Variants in POLN observed in about 807,000 individuals in gnomAD.
The protein encoded by POLN is DNA polymerase N.
A neutral mutation model predicts 113.5 loss-of-function variants in POLN; 108 were observed. That is an observed-to-expected ratio of 0.95 (90% CI 0.81 to 1.12). POLN has a LOEUF of 1.12. Ranked by LOEUF, POLN falls within the 50% of genes most tolerant of loss-of-function variation. POLN has a pLI of 0.00. For synonymous variants in POLN, 386 were observed against 391.5 expected (o/e 0.99, Z 0.17); for missense variants, 1,097 against 1,077.1 (o/e 1.02, Z -0.26).
chr4:2,088,767 C>G, intron 20 of POLN: 11 of 1,300,796 alleles, frequency 8.5e-6, no homozygotes, highest in Non-Finnish European at 7.4e-6. Context: ...TCAGGTGATG[C>G]TGATTTGAAG....
chr4:2,208,732 G>A (rs1220627841), intron 4 of POLN, among the ~76,000 whole-genome samples: 1 of 152,200 alleles, frequency 6.6e-6, no homozygotes, highest in Middle Eastern at 3.2e-3. Flanking sequence ...GCTCACGCCT[G>A]TAATCCCAGC....
At chr4:2,074,375 G>C (rs1730227400) in intron 24 of POLN, among the ~76,000 whole-genome samples, 2 of 152,224 alleles carry the variant, frequency 1.3e-5, no homozygotes, top group Non-Finnish European at 2.9e-5. Flanking sequence ...TCCTGAGAGA[G>C]CAGAGCACAG....
chr4:2,176,965 C>T (rs35044274), intron 8 of POLN, among the ~76,000 whole-genome samples: 37,399 of 151,968 alleles, frequency 0.25, 7,088 homozygotes, highest in African/African-American at 0.51. Context: ...CCACTCAGAC[C>T]CAATTTTCTG....
chr4:2,177,522 CAT>C (rs1383673906), intron 8 of POLN, among the ~76,000 whole-genome samples: 1 of 152,228 alleles, frequency 6.6e-6, no homozygotes, highest in East Asian at 1.9e-4. Context: ...ACTACAGAGA[CAT>C]ATCTGGCTGA....
chr4:2,240,176 CT>C, intron 2 of POLN: 7 of 1,614,070 alleles, frequency 4.3e-6, no homozygotes, highest in Non-Finnish European at 5.9e-6. Context: ...CTAGTCGTCT[CT>C]CCTCAAGGAT....
At chr4:2,210,613 AATAATAATAATAATAAT>A (rs1348400556) in intron 4 of POLN, among the ~76,000 whole-genome samples, 42 of 136,088 alleles carry the variant, frequency 3.1e-4, no homozygotes, top group Non-Finnish European at 5.6e-4. Context: ...TAATAATAAT[AATAATAATAATAATAAT>A]AAAAAAAAGA....
chr4:2,236,651 G>C (rs577336837), intron 2 of POLN, among the ~76,000 whole-genome samples: 3 of 152,026 alleles, frequency 2.0e-5, no homozygotes, highest in Non-Finnish European at 4.4e-5. Context: ...CTGAGCTCAG[G>C]AGTTCGAGAC....
At chr4:2,241,403 T>C (rs567731701) in intron 2 of POLN, 117 bp downstream of exon 2, 1 of 653,922 alleles carries the variant, frequency 1.5e-6, no homozygotes, top group East Asian at 1.4e-4. Context: ...TCAAAATAAA[T>C]GGATCCAAAC....
intron 5 of POLN, among the ~76,000 whole-genome samples, chr4:2,201,082 A>G (rs1733697963): frequency 6.6e-6 from 1 of 151,976 alleles, no homozygotes; most frequent in Non-Finnish European, 1.5e-5. Context: ...CCTGGCTAAC[A>G]TGGTGAAACT....
intron 6 of POLN, among the ~76,000 whole-genome samples, chr4:2,197,318 C>T (rs1733604835): frequency 6.6e-6 from 1 of 152,038 alleles, no homozygotes; most frequent in African/African-American, 2.4e-5. Context: ...AACAGCAACG[C>T]AGTGGATAAG....
chr4:2,198,759 T>A, intron 5 of POLN, 42 bp from the exon 6 acceptor site: 1 of 1,515,826 alleles, frequency 6.6e-7, no homozygotes, highest in African/African-American at 1.4e-5. Context: ...AGACAACATA[T>A]CTGTTGTAGA....
intron 16 of POLN, among the ~76,000 whole-genome samples, chr4:2,133,048 G>A (rs1731764157): frequency 6.6e-6 from 1 of 151,462 alleles, no homozygotes; most frequent in Admixed American, 6.6e-5. Flanking sequence ...GATCCCACCT[G>A]TAATCCCAGC....
At chr4:2,167,976 C>T (rs1411109201) in intron 13 of POLN, among the ~76,000 whole-genome samples, 1 of 152,118 alleles carries the variant, frequency 6.6e-6, no homozygotes, top group Non-Finnish European at 1.5e-5. Context: ...TGTTAAGACA[C>T]ACTTCCAGAC....
intron 25 of POLN, 101 bp downstream of exon 25, chr4:2,072,867 G>A: frequency 1.6e-6 from 2 of 1,289,656 alleles, no homozygotes; most frequent in African/African-American, 1.5e-5. Context: ...CCATCTCGGG[G>A]CTGGGGCTGC....
intron 7 of POLN, among the ~76,000 whole-genome samples, chr4:2,191,616 T>G (rs908310419): frequency 2.6e-5 from 4 of 152,070 alleles, no homozygotes; most frequent in African/African-American, 9.7e-5. Flanking sequence ...AATATGTATA[T>G]CTATTATGAT....
At chr4:2,131,351 G>A (rs1486550881) in intron 16 of POLN, 61 bp from the exon 17 acceptor site, 10 of 1,106,762 alleles carry the variant, frequency 9.0e-6, no homozygotes, top group East Asian at 2.5e-5. Context: ...TACTACTTAG[G>A]GTATTTAATG....
chr4:2,221,609 T>C (rs755715186), intron 3 of POLN, among the ~76,000 whole-genome samples: 56 of 151,444 alleles, frequency 3.7e-4, no homozygotes, highest in Non-Finnish European at 6.9e-4. Flanking sequence ...CAGAGTCTCA[T>C]CCTATCCTTC....
intron 20 of POLN, 56 bp from the exon 21 acceptor site, chr4:2,085,800 G>C (rs1254739160): frequency 2.5e-6 from 4 of 1,603,700 alleles, no homozygotes; most frequent in Non-Finnish European, 3.4e-6. Context: ...GTGACTGTGT[G>C]CATGGGCTCA....
chr4:2,147,272 C>A (rs922728950), intron 16 of POLN, among the ~76,000 whole-genome samples: 1 of 152,118 alleles, frequency 6.6e-6, no homozygotes, highest in Non-Finnish European at 1.5e-5. Context: ...TAGGAGAGAC[C>A]TCAAAGCCAC....
Sources: allele counts gnomAD v4.1 joint callset (sites outside exome capture counted in the v4.1 genomes callset), GRCh38; gene constraint gnomAD v4.1.1; transcripts MANE v1.5; gene names NCBI Gene and HGNC (gene_info 2026-07-23, HGNC 2026-07-21).